NOTCH4: variants seen among roughly 807,000 people sequenced by gnomAD.
The protein encoded by NOTCH4 is neurogenic locus notch homolog protein 4.
A neutral mutation model predicts 189.0 loss-of-function variants in NOTCH4; 138 were observed. The ratio of observed to expected loss-of-function variants is 0.73; its 90% confidence interval spans 0.64 to 0.84. NOTCH4 has a LOEUF of 0.84. Ranked by LOEUF, NOTCH4 falls within the 40% of genes least tolerant of loss-of-function variation. The probability of loss-of-function intolerance (pLI) is 0.00; values close to 1 mark genes in which losing one functional copy is unlikely to be tolerated. For synonymous variants in NOTCH4, 942 were observed against 1,032.8 expected, an observed-to-expected ratio of 0.91 and a Z score of 1.69; for missense variants, 2,286 against 2,605.4, an observed-to-expected ratio of 0.88 and a Z score of 2.67.
chr6:32,203,989 C>T, intron 19 of NOTCH4, 107 bp from the exon 20 acceptor site: 1 of 1,389,454 alleles, frequency 7.2e-7, no homozygotes, highest in Non-Finnish European at 9.9e-7. Flanking sequence ...GTGAAGGGAT[C>T]CTGGGGCATC....
At chr6:32,213,876 C>T (rs1789196605) in intron 13 of NOTCH4, 36 bp from the exon 14 acceptor site, 1 of 1,604,180 alleles carries the variant, frequency 6.2e-7, no homozygotes, top group African/African-American at 1.3e-5. Context: ...AAAGGGTGTC[C>T]TCCTTCCCTC....
rs1787893515 is a variant in NOTCH4 at position 32,196,108 on chromosome 6, C to T, written c.5341G>A (p.Glu1781Lys). Residue 1781 changes from glutamate (E) to lysine (K), a missense_variant, in exon 30 of 30, where the codon GAA (glutamate) becomes AAA (lysine). This residue lies in a region of NOTCH4 where 383 missense variants were observed against 343.5 expected (regional missense o/e 1.11). Transcript: ENST00000375023. ...LFLAAREGAV[E>K]VAQLLLGLGA... ...AGCCCCAGCAGTAGCTGGGCTACTT[C>T]CACCGCTCCTTCCCGCGCCGCCAGG... 6.3e-7 allele frequency: 1 copy of T among 1,591,638 alleles called. No individual in the cohort carries two copies. Among genetic ancestry groups the T allele is most frequent in the Non-Finnish European group, 8.5e-7 (1 of 1,176,172 alleles).
chr6:32,201,426 C>G lies in NOTCH4; in HGVS notation c.3830G>C (p.Cys1277Ser). The change falls in exon 22 of 30, where the codon TGT becomes TCT. Residue 1277 changes from cysteine to serine, a missense_variant. By Grantham distance (112) the Cys-to-Ser change is moderately radical. Coordinates refer to ENST00000375023, the MANE Select transcript of NOTCH4 (RefSeq NM_004557.4). This position sits in a 1 kb window ranked among gnomAD's most constrained non-coding sequence, Gnocchi z 5.5. ...HCEKGCNTAE[C>S]GWDGGDCRPE... ...CCTGCAGTCACCTCCATCCCAGCCA[C>G]ACTCTGCAGTGTTGCAGCCTTTCTC... 2 of 1,553,764 alleles carry G rather than the reference C, an allele frequency of 1.3e-6. No individual in the cohort carries two copies. Among genetic ancestry groups the G allele is most frequent in the Non-Finnish European group, 1.7e-6 (2 of 1,151,772 alleles).
chr6:32,197,174 C>T, intron 27 of NOTCH4, 102 bp from the exon 28 acceptor site: 2 of 1,521,880 alleles, frequency 1.3e-6, no homozygotes, highest in East Asian at 2.3e-5. Context: ...AGCCATCCTC[C>T]GCAGTTTCCC....
Position 32,220,297 on chromosome 6 carries a change from G to C in NOTCH4, c.1160-13C>G, listed in dbSNP as rs147293842. 594 of 1,610,788 alleles carry C rather than the reference G, an allele frequency of 3.7e-4. 9 individuals carry two copies. In the East Asian group the frequency reaches 0.012, roughly 33 times the overall value. Reference sequence around the variant, plus strand: ...TGGCACAGGAGTCCTGGAGGGGTAAGAGGGGGTGAGGCTCTCAAAGGCCAC... The same window carrying C: ...TGGCACAGGAGTCCTGGAGGGGTAACAGGGGGTGAGGCTCTCAAAGGCCAC... On this transcript the variant is annotated splice_polypyrimidine_tract_variant and intron_variant, in intron 6 of 29. Coordinates refer to ENST00000375023, the MANE Select transcript of NOTCH4 (RefSeq NM_004557.4).
chr6:32,215,772 C>T (rs1374989174), intron 11 of NOTCH4: 1 of 186,830 alleles, frequency 5.4e-6, no homozygotes, highest in Non-Finnish European at 1.1e-5. Context: ...GACCATCCAT[C>T]TTTCTATCTT....
At chr6:32,197,813 T>C (rs900276058) in intron 26 of NOTCH4, among the ~76,000 whole-genome samples, 1 of 143,730 alleles carries the variant, frequency 7.0e-6, no homozygotes, top group Non-Finnish European at 1.5e-5. Flanking sequence ...AGGGCAGTGG[T>C]TTTCTCTTTT....
In NOTCH4 at chr6:32,196,106, T is replaced by G; in HGVS notation, c.5343A>C (p.Glu1781Asp). 1 of 1,592,336 alleles carries G rather than the reference T, an allele frequency of 6.3e-7. No homozygotes were observed. The highest frequency in any genetic ancestry group is 8.5e-7 in the Non-Finnish European group (1 of 1,176,540). Residue 1781 changes from glutamate (E) to aspartate (D), a missense_variant, in exon 30 of 30, where the codon GAA (glutamate) becomes GAC (aspartate). By Grantham distance (45) the Glu-to-Asp change is conservative. Coordinates refer to ENST00000375023, the MANE Select transcript of NOTCH4 (RefSeq NM_004557.4). ...LFLAAREGAVEVAQLLLGLGA... is the reference protein window; with the variant it reads ...LFLAAREGAVDVAQLLLGLGA... ...CCAGCCCCAGCAGTAGCTGGGCTAC[T>G]TCCACCGCTCCTTCCCGCGCCGCCA...
chr6:32,209,950 C>T (rs1427938574), intron 18 of NOTCH4, among the ~76,000 whole-genome samples: 1 of 151,876 alleles, frequency 6.6e-6, no homozygotes, highest in Non-Finnish European at 1.5e-5. Flanking sequence ...GTATGACTAC[C>T]GTTTGTCAAT....
Position 32,198,947 on chromosome 6 carries a change from C to A in NOTCH4, c.4514G>T (p.Gly1505Val). The A allele has an allele frequency of 6.3e-7, 1 of 1,592,004 alleles. No individual in the cohort carries two copies. The highest frequency in any genetic ancestry group is 8.6e-7 in the Non-Finnish European group (1 of 1,168,518). ...SAPHRRRPPL[G>V]EDSIGLKALK... ...TCACTTGAGACCAATGCTGTCCTCG[C>A]CTAGTGGGGGCCGGCGTCGGTGGGG... Residue 1505 changes from glycine (G) to valine (V), a missense_variant, in exon 24 of 30, where the codon GGC becomes GTC. Around this residue, in one of 2 missense-constraint regions of NOTCH4, gnomAD observed 1,903 missense variants for 2,261.9 expected, o/e 0.84. Transcript: ENST00000375023. The surrounding 1 kb of genome is among the most constrained non-coding windows in gnomAD (Gnocchi z 5.5).
rs754182874 is a variant in NOTCH4, at chr6:32,203,765, C to T, written c.3231+5G>A. On this transcript the variant is annotated splice_donor_5th_base_variant and intron_variant, in intron 20 of 29. Transcript: ENST00000375023. Reference sequence around the variant, plus strand: ...AACAGAGAAGGCAGATTTGTGGTCACTTGCCTTGGGGCAGTGGCAGATGAA... The same window carrying T: ...AACAGAGAAGGCAGATTTGTGGTCATTTGCCTTGGGGCAGTGGCAGATGAA... 3 of 1,549,588 alleles carry T rather than the reference C, an allele frequency of 1.9e-6. No homozygotes were observed. The highest frequency in any genetic ancestry group is 2.6e-6 in the Non-Finnish European group (3 of 1,146,146).
chr6:32,201,287 C>T lies in NOTCH4; in HGVS notation c.3969G>A (p.Leu1323=). 2 of 1,613,050 alleles carry T rather than the reference C, an allele frequency of 1.2e-6. No homozygotes were observed. The highest frequency in any genetic ancestry group is 2.2e-5 in the East Asian group (1 of 44,884). The part of the protein sequence containing the change: ...FALARVLSLT[L]RVGLWVRKDR... ...CCTTCCTTACCCAGAGTCCTACCCT[C>T]AGAGTCAGGGACAGCACCCGGGCCA... The change falls in exon 22 of 30, where the codon CTG becomes CTA. Residue 1323 remains leucine (L), a synonymous_variant. Coordinates refer to ENST00000375023, the MANE Select transcript of NOTCH4 (RefSeq NM_004557.4). The surrounding 1 kb of genome is among the most constrained non-coding windows in gnomAD (Gnocchi z 5.5).
rs765277332 is a variant in NOTCH4, at chr6:32,220,763, G to A, written c.915C>T (p.Thr305=). Residue 305 remains threonine, a synonymous_variant, in exon 5 of 30, where the codon ACC becomes ACT. Coordinates refer to ENST00000375023, the MANE Select transcript of NOTCH4 (RefSeq NM_004557.4). ...LDTYTCLCPE[T]WTGWDCSEDV... is the part of the protein sequence containing the mutation. ...GTGGCTTAAACAACTCACCTGTCCA[G>A]GTTTCTGGGCAGAGGCAGGTGTAGG... 6.2e-7 allele frequency: 1 copy of A among 1,614,082 alleles called. No homozygotes were observed.
intron 11 of NOTCH4, 62 bp from the exon 12 acceptor site, chr6:32,215,447 C>T (rs961381231): frequency 6.7e-7 from 1 of 1,490,438 alleles, no homozygotes; most frequent in Non-Finnish European, 9.0e-7. Context: ...TGGGCCAAAG[C>T]CACATCCTTC....
rs1485181487 is a variant in NOTCH4 at position 32,224,025 on chromosome 6, T to G, written c.-97A>C. On this transcript the variant is annotated 5_prime_UTR_variant, in exon 1 of 30. Coordinates refer to ENST00000375023, the MANE Select transcript of NOTCH4 (RefSeq NM_004557.4). ...CAGGAGCCACCTCCTCTGCTCCCAC[T>G]GCCCCTCTTCTTCCTCCTCGGCCTG... The G allele has an allele frequency of 2.4e-6, 3 of 1,264,994 alleles. No homozygotes were observed. The highest frequency in any genetic ancestry group is 3.2e-6 in the Non-Finnish European group (3 of 935,710). The allele number at this position is 1,264,994 out of a possible 1,614,324, so 78.4% of individuals were successfully genotyped here. A position where few individuals can be genotyped will look rare whatever the true frequency, so the allele number is the denominator to read the frequency against.
In NOTCH4 at chr6:32,195,792, A is replaced by C; in HGVS notation, c.5657T>G (p.Leu1886Trp). Reference protein sequence around the residue: ...CLQARTWSVDLAARGGGAYSH... With the variant: ...CLQARTWSVDWAARGGGAYSH... The stretch of plus-strand genomic sequence containing the variant: ...ATAGGCCCCGCCCCCCCGCGCAGCC[A>C]AGTCTACGGACCAAGTCCGAGCCTG... The change falls in exon 30 of 30, where the codon TTG (leucine) becomes TGG (tryptophan). Residue 1886 changes from leucine (L) to tryptophan (W), a missense_variant. This residue lies in a region of NOTCH4 where 383 missense variants were observed against 343.5 expected (regional missense o/e 1.11). Coordinates refer to ENST00000375023, the MANE Select transcript of NOTCH4 (RefSeq NM_004557.4). This position sits in a 1 kb window ranked among gnomAD's most constrained non-coding sequence, Gnocchi z 5.4. 6.2e-7 allele frequency: 1 copy of C among 1,605,294 alleles called. No homozygotes were observed. Among genetic ancestry groups the C allele is most frequent in the Non-Finnish European group, 8.5e-7 (1 of 1,179,364 alleles).
chr6:32,213,984 A>G (rs569201024), intron 13 of NOTCH4, 126 bp downstream of exon 13: 129 of 1,413,144 alleles, frequency 9.1e-5, no homozygotes, highest in Non-Finnish European at 1.2e-4. Context: ...CCCACACATC[A>G]CCCGTGTCCC....
At chr6:32,197,853 G>A (rs1252198800) in intron 26 of NOTCH4, among the ~76,000 whole-genome samples, 1 of 132,970 alleles carries the variant, frequency 7.5e-6, no homozygotes, top group African/African-American at 2.8e-5. Flanking sequence ...ACGGAGTCTC[G>A]CCCTGTCACC....
At chr6:32,197,214 CCTT>C (rs2127460828) in intron 27 of NOTCH4, 82 bp downstream of exon 27, 2 of 1,515,972 alleles carry the variant, frequency 1.3e-6, no homozygotes, top group Non-Finnish European at 1.8e-6. Flanking sequence ...CCAATTTCCT[CCTT>C]GTCAAACTCT....
Sources: gnomAD v4.1 joint callset for allele counts (sites outside exome capture counted in the v4.1 genomes callset) on GRCh38, gnomAD v4.1.1 for gene constraint, gnomAD v4.1.1 regional missense constraint, Gnocchi (gnomAD v3.1) non-coding constraint, MANE v1.5 for transcripts, NCBI Gene and HGNC (gene_info 2026-07-23, HGNC 2026-07-21) for gene names.